The following SPTSSA variants were observed in gnomAD, a reference collection of about 807,000 sequenced individuals.
The protein encoded by SPTSSA is small subunit of serine palmitoyltransferase A.
A neutral mutation model predicts 9.1 loss-of-function variants in SPTSSA; 8 were observed. That is an observed-to-expected ratio of 0.88 (90% CI 0.51 to 1.58). The LOEUF is 1.58. Among genes scored for constraint, SPTSSA ranks in the 40% most tolerant of loss-of-function variants. SPTSSA has a pLI of 0.00. For synonymous variants in SPTSSA, 42 were observed against 37.7 expected (o/e 1.11, Z -0.41); for missense variants, 100 against 93.8 (o/e 1.07, Z -0.27).
intron 1 of SPTSSA, among the ~76,000 whole-genome samples, chr14:34,442,955 G>GTGTGT (rs1566422692): frequency 1.1e-4 from 14 of 124,118 alleles, no homozygotes; most frequent in African/African-American, 4.1e-4. Flanking sequence ...TGTCTAGGGG[G>GTGTGT]GTGTGTGTGT....
intron 1 of SPTSSA, among the ~76,000 whole-genome samples, chr14:34,450,249 T>C (rs1410114256): frequency 2.0e-5 from 3 of 152,214 alleles, no homozygotes. Flanking sequence ...ACTAATTTGT[T>C]ATTAATTTAC....
chr14:34,442,343 G>A (rs1212270268), intron 1 of SPTSSA, among the ~76,000 whole-genome samples: 1 of 152,162 alleles, frequency 6.6e-6, no homozygotes, highest in Non-Finnish European at 1.5e-5. Context: ...CTAAGGAAAA[G>A]GCACACCCAG....
chr14:34,438,549 T>G (rs563021199), intron 1 of SPTSSA, among the ~76,000 whole-genome samples: 62 of 152,276 alleles, frequency 4.1e-4, no homozygotes, highest in African/African-American at 1.4e-3. Context: ...ATCTATGACA[T>G]TCAACAAGGT....
intron 1 of SPTSSA, among the ~76,000 whole-genome samples, chr14:34,452,007 A>G (rs1883536156): frequency 6.6e-6 from 1 of 151,716 alleles, no homozygotes; most frequent in African/African-American, 2.4e-5. Context: ...GAAAGTGCCT[A>G]GCGTGGTGGC....
chr14:34,447,663 T>C (rs1331881101), intron 1 of SPTSSA, among the ~76,000 whole-genome samples: 1 of 152,200 alleles, frequency 6.6e-6, no homozygotes, highest in Non-Finnish European at 1.5e-5. Flanking sequence ...GGAAGCCCAT[T>C]GTTTTGGACT....
At chr14:34,444,513 G>A (rs10130753) in intron 1 of SPTSSA, among the ~76,000 whole-genome samples, 9,304 of 152,064 alleles carry the variant, frequency 0.061, 458 homozygotes, top group African/African-American at 0.13. Context: ...CAGCACTTTG[G>A]GAGGCCGACG....
chr14:34,439,684 T>C (rs1883289753), intron 1 of SPTSSA, among the ~76,000 whole-genome samples: 1 of 152,158 alleles, frequency 6.6e-6, no homozygotes, highest in African/African-American at 2.4e-5. Context: ...GCTTATTGTT[T>C]AATGATAATA....
chr14:34,458,454 G>A (rs79341992), intron 1 of SPTSSA, among the ~76,000 whole-genome samples: 27,001 of 151,338 alleles, frequency 0.18, 2,547 homozygotes, highest in East Asian at 0.28. Context: ...AGAGTGCTGG[G>A]ATTACAGGTG....
intron 1 of SPTSSA, among the ~76,000 whole-genome samples, chr14:34,443,683 C>A (rs145721029): frequency 2.1e-4 from 32 of 151,906 alleles, no homozygotes; most frequent in South Asian, 2.1e-3. Flanking sequence ...TTACAGGTGC[C>A]CGCCACCACA....
intron 1 of SPTSSA, among the ~76,000 whole-genome samples, chr14:34,445,765 T>A (rs749161882): frequency 2.6e-5 from 4 of 152,212 alleles, no homozygotes; most frequent in Non-Finnish European, 4.4e-5. Flanking sequence ...AATACTAATG[T>A]ATATTCCAAA....
chr14:34,450,131 C>T (rs150088517), intron 1 of SPTSSA, among the ~76,000 whole-genome samples: 246 of 152,308 alleles, frequency 1.6e-3, no homozygotes, highest in African/African-American at 5.1e-3. Context: ...AATTCAGAAT[C>T]GAACCTATTC....
At chr14:34,457,367 A>C (rs955716738) in intron 1 of SPTSSA, among the ~76,000 whole-genome samples, 1 of 152,214 alleles carries the variant, frequency 6.6e-6, no homozygotes, top group South Asian at 2.1e-4. Flanking sequence ...TCTTGGTTAC[A>C]AAACCTGGTC....
intron 1 of SPTSSA, among the ~76,000 whole-genome samples, chr14:34,459,454 G>C (rs1024728487): frequency 7.6e-6 from 1 of 132,408 alleles, no homozygotes; most frequent in Non-Finnish European, 1.6e-5. Flanking sequence ...GCGAGACACC[G>C]TCTCAAAAAA....
At chr14:34,435,495 C>T (rs1244242885) in intron 1 of SPTSSA, among the ~76,000 whole-genome samples, 191 bp from the exon 2 acceptor site, 1 of 152,002 alleles carries the variant, frequency 6.6e-6, no homozygotes, top group Non-Finnish European at 1.5e-5. Flanking sequence ...CCACTCTAAG[C>T]TGGTTTTGTT....
intron 1 of SPTSSA, among the ~76,000 whole-genome samples, chr14:34,457,023 G>C (rs1878497502): frequency 6.7e-6 from 1 of 150,292 alleles, no homozygotes; most frequent in Non-Finnish European, 1.5e-5. Flanking sequence ...CTGTTGCCCA[G>C]GCTGGAGTAC....
chr14:34,459,618 TA>T (rs1878576918), intron 1 of SPTSSA, among the ~76,000 whole-genome samples: 1 of 151,332 alleles, frequency 6.6e-6, no homozygotes, highest in African/African-American at 2.4e-5. Flanking sequence ...CCATCTCTAC[TA>T]AAAATACAAA....
At chr14:34,455,063 G>T (rs1038323435) in intron 1 of SPTSSA, among the ~76,000 whole-genome samples, 4 of 150,864 alleles carry the variant, frequency 2.7e-5, no homozygotes, top group African/African-American at 9.8e-5. Context: ...CTCCAGCCTA[G>T]GTAACAGATC....
chr14:34,436,947 AAG>A (rs966754775), intron 1 of SPTSSA, among the ~76,000 whole-genome samples: 2 of 151,958 alleles, frequency 1.3e-5, no homozygotes, highest in African/African-American at 4.8e-5. Context: ...AAAAAAAAAA[AAG>A]AGAGAAAGAA....
chr14:34,442,955 G>GTGTGTGTGTGTGTGT (rs1566422692), intron 1 of SPTSSA, among the ~76,000 whole-genome samples: 2 of 124,234 alleles, frequency 1.6e-5, no homozygotes, highest in African/African-American at 6.3e-5. Context: ...TGTCTAGGGG[G>GTGTGTGTGTGTGTGT]GTGTGTGTGT....
Sources: gnomAD v4.1 joint callset for allele counts (sites outside exome capture counted in the v4.1 genomes callset) on GRCh38, gnomAD v4.1.1 for gene constraint, MANE v1.5 for transcripts, NCBI Gene and HGNC (gene_info 2026-07-23, HGNC 2026-07-21) for gene names.